CTIF: variants seen among roughly 807,000 people sequenced by gnomAD.
The protein encoded by CTIF is cap binding complex dependent translation initiation factor.
In CTIF, 21 loss-of-function variants were observed where a neutral mutation model predicts 66.0. The observed-to-expected ratio is 0.32, with a 90% CI of 0.23 to 0.46. The LOEUF (loss-of-function observed/expected upper bound fraction) is 0.46, where lower values mean the gene tolerates loss of function less well. CTIF is among the 20% of genes least tolerant of loss of function. The pLI, the probability that CTIF is intolerant of heterozygous loss-of-function variation, is 1.00. For missense variants in CTIF, 739 were observed against 812.7 expected (o/e 0.91, Z 1.10); for synonymous variants, 345 against 326.4 (o/e 1.06, Z -0.62).
chr18:48,846,644 A>G (rs554443393), intron 10 of CTIF, among the ~76,000 whole-genome samples: 2 of 148,076 alleles, frequency 1.4e-5, no homozygotes, highest in South Asian at 2.2e-4. Flanking sequence ...GATGGATGAA[A>G]GAATGGATGG....
chr18:48,638,504 G>A (rs2090865516), intron 3 of CTIF, among the ~76,000 whole-genome samples: 1 of 151,888 alleles, frequency 6.6e-6, no homozygotes, highest in Non-Finnish European at 1.5e-5. Context: ...CCCCTCATCT[G>A]CCTCACCTCC....
chr18:48,730,361 A>AGGGGCTTCCGCGGTGTGT (rs1568171223), intron 7 of CTIF, among the ~76,000 whole-genome samples: 2 of 124,798 alleles, frequency 1.6e-5, no homozygotes, highest in South Asian at 3.4e-4. Context: ...CTGCTGTGTG[A>AGGGGCTTCCGCGGTGTGT]GGGGCCCCTG....
chr18:48,663,754 T>G lies in CTIF; in HGVS notation c.255T>G (p.Asn85Lys), dbSNP rs1476789304. ...CCTTTCACCCCCATCTCTTCCAGAA[T>G]GGCAGCAAAGACAACTCTCTGGACA... is the stretch of plus-strand genomic sequence containing the variant. Reference protein sequence around the residue: ...FSRGRAPPQQNGSKDNSLDML... With the variant: ...FSRGRAPPQQKGSKDNSLDML... The change falls in exon 4 of 12, where the codon AAT becomes AAG. Residue 85 changes from asparagine to lysine, a missense_variant and splice_region_variant. Asn to Lys is a moderately conservative substitution (Grantham distance 94). Coordinates refer to ENST00000256413, the MANE Select transcript of CTIF (RefSeq NM_014772.3). The G allele has an allele frequency of 1.2e-6, 2 of 1,614,036 alleles. No individual in the cohort carries two copies. Among genetic ancestry groups the G allele is most frequent in the Admixed American group, 3.3e-5 (2 of 60,022 alleles).
At chr18:48,578,485 T>C (rs1599174546) in intron 1 of CTIF, among the ~76,000 whole-genome samples, 1 of 152,174 alleles carries the variant, frequency 6.6e-6, no homozygotes, top group African/African-American at 2.4e-5. Flanking sequence ...TCACCAACAC[T>C]TGTTATTATG....
At chr18:48,840,053 G>A (rs1001599048) in intron 10 of CTIF, among the ~76,000 whole-genome samples, 7 of 152,212 alleles carry the variant, frequency 4.6e-5, no homozygotes, top group Non-Finnish European at 7.4e-5. Flanking sequence ...CCCAGGCTGG[G>A]AGTGGTGAGT....
intron 1 of CTIF, among the ~76,000 whole-genome samples, chr18:48,584,610 A>C (rs2089727839): frequency 6.6e-6 from 1 of 152,168 alleles, no homozygotes; most frequent in African/African-American, 2.4e-5. Flanking sequence ...AAGCCCAGAG[A>C]GGTTTGGTGA....
intron 10 of CTIF, among the ~76,000 whole-genome samples, chr18:48,848,196 C>A (rs1447082099): frequency 6.6e-6 from 1 of 152,232 alleles, no homozygotes; most frequent in Non-Finnish European, 1.5e-5. Flanking sequence ...CCGTCACTAT[C>A]TTTTCTTCTT....
chr18:48,574,137 C>T (rs1461329070), intron 1 of CTIF, among the ~76,000 whole-genome samples: 3 of 152,258 alleles, frequency 2.0e-5, no homozygotes, highest in Non-Finnish European at 4.4e-5. Flanking sequence ...CCTGCCGGGG[C>T]GGCTTCCTGC....
At position 48,549,584 on chromosome 18, in the gene CTIF, A is replaced by G. The variant is rs114853246; in HGVS notation, c.-29+10272A>G. Among the ~76,000 whole-genome samples the G allele has an allele frequency of 4.5e-3, 683 of 152,284 alleles. 4 individuals are homozygous for G. The highest frequency in any genetic ancestry group is 0.016 in the African/African-American group (654 of 41,556). ...AGGCCAGTCCCCTTATGGTCATAGC[A>G]TGGCTGCCACTGCTCCGGGCATCAT... On this transcript the variant is annotated intron_variant, in intron 1 of 11. Transcript: ENST00000256413.
At chr18:48,715,059 C>T (rs1185237335) in intron 7 of CTIF, among the ~76,000 whole-genome samples, 1 of 152,152 alleles carries the variant, frequency 6.6e-6, no homozygotes, top group African/African-American at 2.4e-5. Flanking sequence ...CCCTGCATTC[C>T]CTCCAGGGGC....
intron 3 of CTIF, among the ~76,000 whole-genome samples, chr18:48,653,469 T>A (rs1366166188): frequency 6.6e-6 from 1 of 151,994 alleles, no homozygotes; most frequent in African/African-American, 2.4e-5. Context: ...CTCAATGAAA[T>A]AAAAGAGGAC....
At chr18:48,786,614 A>G (rs1414407035) in intron 9 of CTIF, among the ~76,000 whole-genome samples, 1 of 152,240 alleles carries the variant, frequency 6.6e-6, no homozygotes, top group Non-Finnish European at 1.5e-5. Context: ...GTGAACGTGC[A>G]GTTCATTGCT....
intron 10 of CTIF, among the ~76,000 whole-genome samples, chr18:48,838,383 C>T (rs535422398): frequency 2.0e-5 from 3 of 151,562 alleles, no homozygotes; most frequent in East Asian, 2.0e-4. Context: ...GGGCTGCCCA[C>T]GCCTCACGTG....
chr18:48,830,891 G>T (rs112353206), intron 10 of CTIF, among the ~76,000 whole-genome samples: 2 of 152,190 alleles, frequency 1.3e-5, no homozygotes, highest in Non-Finnish European at 2.9e-5. Flanking sequence ...GGCAGGGAAC[G>T]TGTCTATTCA....
intron 10 of CTIF, among the ~76,000 whole-genome samples, chr18:48,819,512 C>T (rs541260477): frequency 8.5e-5 from 13 of 152,288 alleles, no homozygotes; most frequent in African/African-American, 2.4e-4. Flanking sequence ...AGCCGAGCGC[C>T]GGCCCTGGCT....
intron 1 of CTIF, among the ~76,000 whole-genome samples, chr18:48,587,095 T>A (rs1248858096): frequency 1.5e-4 from 22 of 148,494 alleles, no homozygotes; most frequent in Non-Finnish European, 2.2e-4. Flanking sequence ...TTTTTTTTTT[T>A]AATTGAGACG....
chr18:48,670,398 G>A (rs1442969832), intron 5 of CTIF, among the ~76,000 whole-genome samples: 1 of 152,168 alleles, frequency 6.6e-6, no homozygotes, highest in Non-Finnish European at 1.5e-5. Context: ...GATGAGTAAG[G>A]AGCTTAGCTT....
At chr18:48,731,262 C>T (rs2092454860) in intron 7 of CTIF, among the ~76,000 whole-genome samples, 1 of 152,146 alleles carries the variant, frequency 6.6e-6, no homozygotes, top group Non-Finnish European at 1.5e-5. Context: ...CTCTGCAGAC[C>T]ACCAGGACCC....
chr18:48,565,137 CT>C, intron 1 of CTIF: 1 of 152,178 alleles, frequency 6.6e-6, no homozygotes, highest in South Asian at 2.1e-4. Context: ...GTCTCCGGTC[CT>C]GTTTATTACT....
Sources: allele counts gnomAD v4.1 joint callset (sites outside exome capture counted in the v4.1 genomes callset), GRCh38; gene constraint gnomAD v4.1.1; transcripts MANE v1.5; gene names NCBI Gene and HGNC (gene_info 2026-07-23, HGNC 2026-07-21).